The following PTH1R variants were observed in gnomAD, a reference collection of about 807,000 sequenced individuals.
PTH1R encodes the protein parathyroid hormone/parathyroid hormone-related peptide receptor.
Under a neutral mutation model 70.7 loss-of-function variants are expected in PTH1R, and 32 were observed. That is an observed-to-expected ratio of 0.45 (90% CI 0.34 to 0.61). PTH1R has a LOEUF of 0.61. Among genes scored for constraint, PTH1R ranks in the 20% least tolerant of loss-of-function variants. The pLI, the probability that PTH1R is intolerant of heterozygous loss-of-function variation, is 0.01. For missense variants in PTH1R, 626 were observed against 792.5 expected, an observed-to-expected ratio of 0.79 and a Z score of 2.52; for synonymous variants, 329 against 324.8, an observed-to-expected ratio of 1.01 and a Z score of -0.14.
Position 46,893,896 on chromosome 3 carries a change from C to T in PTH1R, c.76-11C>T, listed in dbSNP as rs1364472371. 6 of 1,613,370 alleles carry T rather than the reference C, an allele frequency of 3.7e-6. No homozygotes were observed. In the African/African-American group the frequency reaches 4.0e-5, roughly 11 times the overall value. On this transcript the variant is annotated splice_polypyrimidine_tract_variant and intron_variant, in intron 3 of 15. Coordinates refer to ENST00000449590, the MANE Select transcript of PTH1R (RefSeq NM_000316.3). The surrounding 1 kb of genome is among the most constrained non-coding windows in gnomAD (Gnocchi z 5.2). ...AAAGTCCTGCCTGTGGTCTGACCTT[C>T]GGCTTGGCAGGTGGATGCAGATGAC...
Position 46,901,018 on chromosome 3 carries a change from C to G in PTH1R, c.989-7C>G. ...GTCCTGCACACTGTCCCCCTCTGTG[C>G]CCACAGGTCTGCCCGCTGTCTTCGT... On this transcript the variant is annotated splice_region_variant and splice_polypyrimidine_tract_variant and intron_variant, in intron 10 of 15. Transcript: ENST00000449590. This position sits in a 1 kb window ranked among gnomAD's most constrained non-coding sequence, Gnocchi z 7.3. 6.3e-7 allele frequency: 1 copy of G among 1,580,350 alleles called. No individual in the cohort carries two copies. The highest frequency in any genetic ancestry group is 8.6e-7 in the Non-Finnish European group (1 of 1,161,638).
chr3:46,902,696 AG>A lies in PTH1R; in HGVS notation c.1353+32del, dbSNP rs1391426273. 1 of 1,593,372 alleles carries A rather than the reference AG, an allele frequency of 6.3e-7. No homozygotes were observed. The highest frequency in any genetic ancestry group is 1.3e-5 in the African/African-American group (1 of 74,086). On this transcript the variant is annotated intron_variant, in intron 14 of 15. Transcript: ENST00000449590. The surrounding 1 kb of genome is among the most constrained non-coding windows in gnomAD (Gnocchi z 5.4). ...CGCAGTGCTGGCCCGGGCCTGGCTG[AG>A]GGTGGGAGGGGTTCCGGGGGCAGGC...
intron 3 of PTH1R, among the ~76,000 whole-genome samples, chr3:46,890,908 G>A (rs1231164962): frequency 2.0e-5 from 3 of 152,180 alleles, no homozygotes; most frequent in Non-Finnish European, 4.4e-5. Context: ...GATTCACATT[G>A]TGGGGCTGGT....
At chr3:46,885,441 G>T (rs1448811762) in intron 3 of PTH1R, among the ~76,000 whole-genome samples, 1 of 152,138 alleles carries the variant, frequency 6.6e-6, no homozygotes, top group Non-Finnish European at 1.5e-5. Flanking sequence ...TCAGAGGAAG[G>T]TTATTGTCCC....
At chr3:46,898,251 G>A in intron 7 of PTH1R, 59 bp downstream of exon 7, 1 of 1,593,048 alleles carries the variant, frequency 6.3e-7, no homozygotes. Context: ...CCCCACGGGT[G>A]ACCCCTGACC....
rs1227074130 is a variant in PTH1R, at chr3:46,903,737, C to T, written c.*81C>T. 6.3e-7 allele frequency: 1 copy of T among 1,580,484 alleles called. No homozygotes were observed. Among genetic ancestry groups the T allele is most frequent in the Non-Finnish European group, 8.6e-7 (1 of 1,165,658 alleles). Reference sequence around the variant, plus strand: ...ATGGGTGGTTGAATGATTTCCCACTCAGGGCTGGGGCCAAGAGGAAAAACA... The same window carrying T: ...ATGGGTGGTTGAATGATTTCCCACTTAGGGCTGGGGCCAAGAGGAAAAACA... On this transcript the variant is annotated 3_prime_UTR_variant, in exon 16 of 16. Transcript: ENST00000449590. The surrounding 1 kb of genome is among the most constrained non-coding windows in gnomAD (Gnocchi z 4.4).
chr3:46,901,355 G>A lies in PTH1R; in HGVS notation c.1050-59G>A. The A allele has an allele frequency of 6.5e-7, 1 of 1,545,044 alleles. No homozygotes were observed. The highest frequency in any genetic ancestry group is 1.2e-5 in the South Asian group (1 of 83,932). On this transcript the variant is annotated intron_variant, in intron 11 of 15. Transcript: ENST00000449590. The surrounding 1 kb of genome is among the most constrained non-coding windows in gnomAD (Gnocchi z 7.3). ...CAGACCAGACCAAATCTGGGTCTCT[G>A]TGGGCAGTCTTAGGATGGGAACAGG...
rs2030407246 is a variant in PTH1R, at chr3:46,879,188, C to CATAACTTAAGGCATAA, written c.-106+1345_-106+1346insATAACTTAAGGCATAA. 6.6e-6 allele frequency among the ~76,000 whole-genome samples: 1 copy of CATAACTTAAGGCATAA among 152,062 alleles called. No homozygotes were observed. Among genetic ancestry groups the CATAACTTAAGGCATAA allele is most frequent in the Non-Finnish European group, 1.5e-5 (1 of 67,998 alleles). ...ACATGAGTTATGGCAGGAGGAATGCCCTTAAGGGACCCAGCACCCATCAGA... is the reference window on the plus strand; with the variant it reads ...ACATGAGTTATGGCAGGAGGAATGCCATAACTTAAGGCATAACTTAAGGGACCCAGCACCCATCAGA... On this transcript the variant is annotated intron_variant, in intron 1 of 15. Coordinates refer to ENST00000449590, the MANE Select transcript of PTH1R (RefSeq NM_000316.3). This position sits in a 1 kb window ranked among gnomAD's most constrained non-coding sequence, Gnocchi z 4.7.
Position 46,892,341 on chromosome 3 carries a change from T to C in PTH1R, c.76-1566T>C, listed in dbSNP as rs1027500324. Among the ~76,000 whole-genome samples the C allele has an allele frequency of 6.6e-6, 1 of 152,206 alleles. No homozygotes were observed. Among genetic ancestry groups the C allele is most frequent in the Non-Finnish European group, 1.5e-5 (1 of 68,034 alleles). On this transcript the variant is annotated intron_variant, in intron 3 of 15. Transcript: ENST00000449590. This position sits in a 1 kb window ranked among gnomAD's most constrained non-coding sequence, Gnocchi z 5.2. ...GCCGCCCTATGCCCAGAAATACATG[T>C]GCACGTGCATGCTCACAAACACGTC...
At chr3:46,895,453 T>C (rs1414951162) in intron 4 of PTH1R, among the ~76,000 whole-genome samples, 1 of 152,236 alleles carries the variant, frequency 6.6e-6, no homozygotes, top group Non-Finnish European at 1.5e-5. Context: ...ACCTCTGCTC[T>C]GTCTTGCCCA....
chr3:46,899,009 A>G, intron 9 of PTH1R, 152 bp downstream of exon 9: 3 of 714,650 alleles, frequency 4.2e-6, no homozygotes, highest in Non-Finnish European at 6.8e-6. Flanking sequence ...GTCCCTCGCA[A>G]CCCTCAGCTC....
At chr3:46,898,256 CT>C (rs2031875841) in intron 7 of PTH1R, 64 bp downstream of exon 7, 1 of 1,591,352 alleles carries the variant, frequency 6.3e-7, no homozygotes, top group Admixed American at 1.7e-5. Flanking sequence ...CGGGTGACCC[CT>C]GACCCAGCCC....
intron 7 of PTH1R, 46 bp downstream of exon 7, chr3:46,898,238 C>T (rs201792344): frequency 4.4e-6 from 7 of 1,602,634 alleles, no homozygotes; most frequent in Non-Finnish European, 6.0e-6. Context: ...AAATTCACTC[C>T]CACCCCACGG....
In PTH1R at chr3:46,882,976, G is replaced by C. The variant is rs2030718012; in HGVS notation, c.-48-536G>C. Among the ~76,000 whole-genome samples the C allele has an allele frequency of 6.6e-6, 1 of 151,862 alleles. No homozygotes were observed. The highest frequency in any genetic ancestry group is 1.5e-5 in the Non-Finnish European group (1 of 67,928). On this transcript the variant is annotated intron_variant, in intron 2 of 15. Transcript: ENST00000449590. The surrounding 1 kb of genome is among the most constrained non-coding windows in gnomAD (Gnocchi z 4.3). ...CGCACCCCCTAACTGCACGCCCCGC[G>C]CGGCTCAGAACGCGCCCCCTGCCCG...
In PTH1R at chr3:46,898,760, C is replaced by G. The variant is rs1278093318; in HGVS notation, c.737C>G (p.Ser246Cys). 1.9e-6 allele frequency: 3 copies of G among 1,607,480 alleles called. No individual in the cohort carries two copies. Among genetic ancestry groups the G allele is most frequent in the Admixed American group, 3.3e-5 (2 of 59,944 alleles). Residue 246 changes from serine to cysteine, a missense_variant, in exon 9 of 16, where the codon TCT becomes TGT. Physicochemically the swap from Ser to Cys is moderately radical, Grantham distance 112 (BLOSUM62 -1). Coordinates refer to ENST00000449590, the MANE Select transcript of PTH1R (RefSeq NM_000316.3). ...TTCGTCAAGGACGCTGTGCTCTACTCTGGCGCCACGCTTGATGAGGCTGAG... is the reference window on the plus strand; with the variant it reads ...TTCGTCAAGGACGCTGTGCTCTACTGTGGCGCCACGCTTGATGAGGCTGAG... ...SIFVKDAVLYSGATLDEAERL... is the reference protein window; with the variant it reads ...SIFVKDAVLYCGATLDEAERL...
At position 46,892,470 on chromosome 3, in the gene PTH1R, C is replaced by G. The variant is rs1001284; in HGVS notation, c.76-1437C>G. On this transcript the variant is annotated intron_variant, in intron 3 of 15. Coordinates refer to ENST00000449590, the MANE Select transcript of PTH1R (RefSeq NM_000316.3). The surrounding 1 kb of genome is among the most constrained non-coding windows in gnomAD (Gnocchi z 5.2). ...CCGGCCACTCGAGAATGCGCTGCCA[C>G]TCGCGCGCGCACGCACAGGGACGCG... 0.48 allele frequency among the ~76,000 whole-genome samples: 73,339 copies of G among 152,138 alleles called. 19,231 individuals are homozygous for G. The highest frequency in any genetic ancestry group is 0.58 in the Non-Finnish European group (39,577 of 67,968).
intron 7 of PTH1R, 73 bp from the exon 8 acceptor site, chr3:46,898,305 G>A: frequency 6.3e-7 from 1 of 1,577,518 alleles, no homozygotes; most frequent in South Asian, 1.1e-5. Context: ...ACCTTACCCT[G>A]GCCTCTTGCT....
Position 46,892,803 on chromosome 3 carries a change from G to A in PTH1R, c.76-1104G>A, listed in dbSNP as rs1003736577. ...AGCTCTGCCGCGGAGCTGAGGAGAC[G>A]TAGCCTTCTGGGGTAGGGATGGAGG... On this transcript the variant is annotated intron_variant, in intron 3 of 15. Coordinates refer to ENST00000449590, the MANE Select transcript of PTH1R (RefSeq NM_000316.3). This position sits in a 1 kb window ranked among gnomAD's most constrained non-coding sequence, Gnocchi z 5.2. The A allele has an allele frequency of 2.0e-6, 2 of 985,604 alleles. No homozygotes were observed. The highest frequency in any genetic ancestry group is 2.3e-4 in the East Asian group (2 of 8,828). The allele number at this position is 985,604 out of a possible 1,614,324, so 61.1% of individuals were successfully genotyped here. A position where few individuals can be genotyped will look rare whatever the true frequency, so the allele number is the denominator to read the frequency against.
rs550088678 is a variant in PTH1R at position 46,892,415 on chromosome 3, C to A, written c.76-1492C>A. Among the ~76,000 whole-genome samples, 2 of 152,358 alleles carry A rather than the reference C, an allele frequency of 1.3e-5. No individual in the cohort carries two copies. The highest frequency in any genetic ancestry group is 1.3e-4 in the Admixed American group (2 of 15,312). On this transcript the variant is annotated intron_variant, in intron 3 of 15. Transcript: ENST00000449590. The surrounding 1 kb of genome is among the most constrained non-coding windows in gnomAD (Gnocchi z 5.2). ...GCTGGACAGTCTCCATGTGAGAACGCGCACGGACGGGCACACACAAGTGCA... is the reference window on the plus strand; with the variant it reads ...GCTGGACAGTCTCCATGTGAGAACGAGCACGGACGGGCACACACAAGTGCA...
Sources: allele counts gnomAD v4.1 joint callset (sites outside exome capture counted in the v4.1 genomes callset), GRCh38; gene constraint gnomAD v4.1.1; non-coding constraint Gnocchi (gnomAD v3.1); transcripts MANE v1.5; gene names NCBI Gene and HGNC (gene_info 2026-07-23, HGNC 2026-07-21).